ESRRG: variants seen among roughly 807,000 people sequenced by gnomAD.
The protein encoded by ESRRG is estrogen related receptor gamma.
Under a neutral mutation model 44.0 loss-of-function variants are expected in ESRRG, and 13 were observed. The observed-to-expected ratio is 0.30, with a 90% CI of 0.19 to 0.47. ESRRG has a LOEUF of 0.47. ESRRG is among the 20% of genes least tolerant of loss of function. The pLI is 1.00. For synonymous variants in ESRRG, 215 were observed against 214.6 expected (o/e 1.00, Z -0.02); for missense variants, 395 against 580.6 (o/e 0.68, Z 3.29).
rs376605746 is a variant in ESRRG at position 216,695,313 on chromosome 1, A to AAC, written c.57-17824_57-17823dup. On this transcript the variant is annotated intron_variant, in intron 1 of 6. Coordinates refer to ENST00000408911, the MANE Select transcript of ESRRG (RefSeq NM_001438.4). The stretch of plus-strand genomic sequence containing the variant: ...TATGTGATAAAATTATGTAGAACTA[A>AAC]ACACACACACACACACACAAATGAA... 3.7e-3 allele frequency among the ~76,000 whole-genome samples: 550 copies of AAC among 150,314 alleles called. 3 individuals are homozygous for AAC. The highest frequency in any genetic ancestry group is 0.01 in the African/African-American group (428 of 41,114).
At chr1:216,883,420 A>G (rs1273533298) in intron 2 of ESRRG, among the ~76,000 whole-genome samples, 1 of 146,242 alleles carries the variant, frequency 6.8e-6, no homozygotes, top group Non-Finnish European at 1.5e-5. Context: ...AAAAAGATAC[A>G]TTGCTCAGTG....
chr1:216,839,632 G>C (rs1448165026), intron 2 of ESRRG, among the ~76,000 whole-genome samples: 1 of 152,170 alleles, frequency 6.6e-6, no homozygotes, highest in African/African-American at 2.4e-5. Flanking sequence ...AATTGATGTT[G>C]TGTATATGAA....
chr1:216,824,165 G>A (rs935656490), intron 2 of ESRRG, among the ~76,000 whole-genome samples: 1 of 152,132 alleles, frequency 6.6e-6, no homozygotes, highest in African/African-American at 2.4e-5. Context: ...TATTTTATTA[G>A]GCTGGGCACG....
upstream of ESRRG, among the ~76,000 whole-genome samples, chr1:217,094,096 G>C (rs146826197): frequency 7.0e-3 from 1,061 of 151,860 alleles, 10 homozygotes; most frequent in African/African-American, 0.023. Context: ...TGTTGTCCAG[G>C]CTGGTCTCAA....
chr1:216,979,348 C>T lies in ESRRG; in HGVS notation c.-105-39675G>A, dbSNP rs11572456. On this transcript the variant is annotated intron_variant, in intron 1 of 7. Coordinates refer to the ESRRG transcript ENST00000359162. ...TTCTGCTTTGAGATTTGACATGAAA[C>T]AGCCAGCCACAATACCGTATGCATT... 9.9e-4 allele frequency among the ~76,000 whole-genome samples: 151 copies of T among 152,252 alleles called. 1 individual carries two copies. The East Asian group carries it at 0.02, about 20-fold the overall frequency.
intron 1 of ESRRG, among the ~76,000 whole-genome samples, chr1:217,040,369 T>C (rs1447538197): frequency 1.3e-5 from 2 of 152,094 alleles, no homozygotes; most frequent in African/African-American, 4.8e-5. Context: ...AAGAAGGCAA[T>C]TAAGAGGATG....
intron 5 of ESRRG, among the ~76,000 whole-genome samples, chr1:216,551,269 A>G (rs1195113153): frequency 6.6e-6 from 1 of 152,210 alleles, no homozygotes; most frequent in South Asian, 2.1e-4. Context: ...TGTTTAGTGC[A>G]TAAATGAATA....
At chr1:216,761,607 CA>C (rs1163514475) in intron 2 of ESRRG, among the ~76,000 whole-genome samples, 1 of 152,028 alleles carries the variant, frequency 6.6e-6, no homozygotes, top group African/African-American at 2.4e-5. Flanking sequence ...AAGAATACAA[CA>C]ATTAAAAACA....
intron 6 of ESRRG, among the ~76,000 whole-genome samples, chr1:216,518,567 AC>A (rs2045104607): frequency 6.6e-6 from 1 of 152,158 alleles, no homozygotes; most frequent in Non-Finnish European, 1.5e-5. Context: ...ACAACAAAGC[AC>A]CAACGATTTT....
chr1:216,990,020 A>G (rs1443997666), intron 1 of ESRRG, among the ~76,000 whole-genome samples: 1 of 152,156 alleles, frequency 6.6e-6, no homozygotes, highest in Non-Finnish European at 1.5e-5. Context: ...GTACATAATG[A>G]TCTACAGAAA....
At chr1:216,791,107 G>A (rs948478030) in intron 2 of ESRRG, among the ~76,000 whole-genome samples, 1 of 152,148 alleles carries the variant, frequency 6.6e-6, no homozygotes, top group African/African-American at 2.4e-5. Context: ...ATATCAGGGT[G>A]ATAGAATCTG....
chr1:216,568,407 G>A lies in ESRRG; in HGVS notation c.590-309C>T, dbSNP rs527883316. On this transcript the variant is annotated intron_variant, in intron 3 of 6. Coordinates refer to ENST00000408911, the MANE Select transcript of ESRRG (RefSeq NM_001438.4). Reference sequence around the variant, plus strand: ...ACAAAGAAGCCGCTATTTGGTGCTAGTATAGTTTCTTAAATTAAAGACCCT... The same window carrying A: ...ACAAAGAAGCCGCTATTTGGTGCTAATATAGTTTCTTAAATTAAAGACCCT... Among the ~76,000 whole-genome samples the A allele has an allele frequency of 4.6e-5, 7 of 152,330 alleles. No homozygotes were observed. The South Asian group carries it at 1.4e-3, about 32-fold the overall frequency.
intron 5 of ESRRG, among the ~76,000 whole-genome samples, chr1:216,529,545 C>G (rs965657483): frequency 1.1e-4 from 16 of 152,020 alleles, no homozygotes; most frequent in Non-Finnish European, 1.0e-4. Flanking sequence ...GATAGGCATG[C>G]CTCTAAAACT....
At chr1:216,520,154 C>T (rs1323821871) in intron 5 of ESRRG, among the ~76,000 whole-genome samples, 3 of 152,090 alleles carry the variant, frequency 2.0e-5, no homozygotes, top group South Asian at 2.1e-4. Context: ...ATAAAGGTAA[C>T]AGGGTTTGGT....
At chr1:216,744,003 G>A (rs1386564224) in intron 2 of ESRRG, among the ~76,000 whole-genome samples, 1 of 152,134 alleles carries the variant, frequency 6.6e-6, no homozygotes, top group Non-Finnish European at 1.5e-5. Flanking sequence ...TCTGGACACG[G>A]TGCCACATGG....
intron 3 of ESRRG, among the ~76,000 whole-genome samples, chr1:216,618,687 C>A (rs960197932): frequency 6.6e-6 from 1 of 152,094 alleles, no homozygotes; most frequent in African/African-American, 2.4e-5. Context: ...AAATAATTTT[C>A]GAAATTTTCC....
chr1:216,723,220 A>G, intron 1 of ESRRG, 24 bp downstream of exon 1: 2 of 1,609,528 alleles, frequency 1.2e-6, no homozygotes, highest in Non-Finnish European at 1.7e-6. Flanking sequence ...ACGAGTTTAA[A>G]AAGGAAAGAA....
At position 217,024,532 on chromosome 1, in the gene ESRRG, C is replaced by A. The variant is rs140180091; in HGVS notation, c.-106+64975G>T. ...CTCCAATTCCCATGTAAGAGACAAA[C>A]ACACCAAAGCCTGGAGACATGAGCA... On this transcript the variant is annotated intron_variant, in intron 1 of 7. Coordinates refer to the ESRRG transcript ENST00000359162. 1.6e-3 allele frequency among the ~76,000 whole-genome samples: 238 copies of A among 152,212 alleles called. 1 individual carries two copies. The highest frequency in any genetic ancestry group is 5.5e-3 in the African/African-American group (228 of 41,528).
intron 3 of ESRRG, among the ~76,000 whole-genome samples, chr1:216,587,367 C>A (rs928106208): frequency 6.6e-6 from 1 of 152,050 alleles, no homozygotes; most frequent in Non-Finnish European, 1.5e-5. Flanking sequence ...AGCATTTGGA[C>A]CTTTGGGGAA....
Sources: gnomAD v4.1 joint callset for allele counts (sites outside exome capture counted in the v4.1 genomes callset) on GRCh38, gnomAD v4.1.1 for gene constraint, MANE v1.5 for transcripts, NCBI Gene and HGNC (gene_info 2026-07-23, HGNC 2026-07-21) for gene names.